The following SPANXN5 variants were observed in gnomAD, a reference collection of about 807,000 sequenced individuals.
SPANXN5 encodes SPANX family member N5.
SPANXN5 carries 5 observed loss-of-function variants against 4.5 expected under a neutral mutation model. The observed-to-expected ratio is 1.11, with a 90% CI of 0.58 to 2.33. The LOEUF is 2.33. Ranked by LOEUF, SPANXN5 falls within the 30% of genes most tolerant of loss-of-function variation. The probability of loss-of-function intolerance (pLI) is 0.01; values close to 1 mark genes in which losing one functional copy is unlikely to be tolerated. For missense variants in SPANXN5, 41 were observed against 50.3 expected, an observed-to-expected ratio of 0.82 and a Z score of 0.56; for synonymous variants, 20 against 20.4, an observed-to-expected ratio of 0.98 and a Z score of 0.05.
At position 52,797,273 on chromosome X, in the gene SPANXN5, C is replaced by T. The variant is rs1569182132; in HGVS notation, c.75+1G>A. ...TTCACTTCAAAACCTAACAATCTTA[C>T]CTCATCATTTTTGCTGTTGGAGTCA... On this transcript the variant is annotated splice_donor_variant, in intron 1 of 1. Coordinates refer to ENST00000375511, the MANE Select transcript of SPANXN5 (RefSeq NM_001009616.4). LOFTEE classifies it high-confidence loss of function. The T allele has an allele frequency of 3.3e-6, 4 of 1,210,390 alleles. No homozygotes were observed. Among genetic ancestry groups the T allele is most frequent in the Non-Finnish European group, 3.4e-6 (3 of 894,505 alleles).
At position 52,797,382 on chromosome X, in the gene SPANXN5, A is replaced by G. The variant is rs782554198; in HGVS notation, c.-34T>C. On this transcript the variant is annotated 5_prime_UTR_variant, in exon 1 of 2. Transcript: ENST00000375511. ...TTGGTTGTTGAATGTCTACAGCAGG[A>G]TCTTGTAGAGTCCAGACTTCCACAG... The G allele has an allele frequency of 8.4e-7, 1 of 1,185,840 alleles. No homozygotes were observed. Among genetic ancestry groups the G allele is most frequent in the South Asian group, 1.8e-5 (1 of 55,935 alleles).
At position 52,797,322 on chromosome X, in the gene SPANXN5, A is replaced by G; in HGVS notation, c.27T>C (p.Asn9=). ...CACAGGGGCTCTTCCTCTTCTCCCC[A>G]TTGGTGCTTGAAGTGGGCTTTTCCA... is the stretch of plus-strand genomic sequence containing the variant. The part of the protein sequence containing the change: MEKPTSST[N]GEKRKSPCDS... The change falls in exon 1 of 2, where the codon AAT becomes AAC. Residue 9 remains asparagine, a synonymous_variant. Coordinates refer to ENST00000375511, the MANE Select transcript of SPANXN5 (RefSeq NM_001009616.4). The G allele has an allele frequency of 1.7e-6, 2 of 1,211,067 alleles. No homozygotes were observed. Among genetic ancestry groups the G allele is most frequent in the South Asian group, 1.8e-5 (1 of 56,939 alleles).
In SPANXN5 at chrX:52,796,227, G is replaced by T; in HGVS notation, c.*261C>A. 1 of 370,730 alleles carries T rather than the reference G, an allele frequency of 2.7e-6. No homozygotes were observed. Among genetic ancestry groups the T allele is most frequent in the Admixed American group, 3.8e-5 (1 of 26,651 alleles). The allele number at this position is 370,730 out of a possible 1,213,427, so 30.6% of individuals were successfully genotyped here. ...AATTTGGTTTCTCCATGTTTAATTA[G>T]TCTTCCTCACCCTCCTCTGACGATC... On this transcript the variant is annotated 3_prime_UTR_variant, in exon 2 of 2. Transcript: ENST00000375511.
intron 1 of SPANXN5, among the ~76,000 whole-genome samples, chrX:52,796,939 C>G (rs782219765): frequency 1.8e-5 from 2 of 111,815 alleles, no homozygotes; most frequent in Admixed American, 9.5e-5. Context: ...GTCCACAAGG[C>G]AGACAAAGGC....
Position 52,796,483 on chromosome X carries a change from T to C in SPANXN5, c.*5A>G, listed in dbSNP as rs782661200. Reference sequence around the variant, plus strand: ...CTCCTCTTGGACTGGATTGATGGAGTTCTCTCAGGACTGGTCATTCTCGAG... The same window carrying C: ...CTCCTCTTGGACTGGATTGATGGAGCTCTCTCAGGACTGGTCATTCTCGAG... On this transcript the variant is annotated 3_prime_UTR_variant, in exon 2 of 2. Transcript: ENST00000375511. 1.7e-6 allele frequency: 2 copies of C among 1,206,460 alleles called. No individual in the cohort carries two copies. The highest frequency in any genetic ancestry group is 2.2e-6 in the Non-Finnish European group (2 of 893,155).
chrX:52,796,948 G>A (rs1306808482), intron 1 of SPANXN5, among the ~76,000 whole-genome samples: 3 of 111,665 alleles, frequency 2.7e-5, no homozygotes, highest in African/African-American at 9.8e-5. Flanking sequence ...GCAGACAAAG[G>A]CCCAACTAAA....
chrX:52,796,755 A>G, intron 1 of SPANXN5, 124 bp from the exon 2 acceptor site: 1 of 971,411 alleles, frequency 1.0e-6, no homozygotes, highest in East Asian at 3.1e-5. Flanking sequence ...TCCAGAGAAG[A>G]ACAAGGTTGA....
chrX:52,797,371 T>C lies in SPANXN5; in HGVS notation c.-23A>G. On this transcript the variant is annotated 5_prime_UTR_variant, in exon 1 of 2. Coordinates refer to ENST00000375511, the MANE Select transcript of SPANXN5 (RefSeq NM_001009616.4). ...CATGATTCTGGTTGGTTGTTGAATG[T>C]CTACAGCAGGATCTTGTAGAGTCCA... 1 of 1,201,685 alleles carries C rather than the reference T, an allele frequency of 8.3e-7. No individual in the cohort carries two copies. Among genetic ancestry groups the C allele is most frequent in the African/African-American group, 1.7e-5 (1 of 57,604 alleles).
At chrX:52,796,727 G>A in intron 1 of SPANXN5, 96 bp from the exon 2 acceptor site, 3 of 1,107,254 alleles carry the variant, frequency 2.7e-6, no homozygotes, top group Non-Finnish European at 2.5e-6. Flanking sequence ...AGGAATGCAG[G>A]TTGAGGAAGG....
chrX:52,797,421 T>G lies in SPANXN5; in HGVS notation c.-73A>C. The stretch of plus-strand genomic sequence containing the variant: ...AGACTTCCACAGCTATATTGAAGCT[T>G]CCCAGTGGCCCAGAGCTCTTGCCCT... On this transcript the variant is annotated 5_prime_UTR_variant, in exon 1 of 2. Transcript: ENST00000375511. 9.3e-7 allele frequency: 1 copy of G among 1,079,293 alleles called. No homozygotes were observed. Among genetic ancestry groups the G allele is most frequent in the Non-Finnish European group, 1.3e-6 (1 of 780,320 alleles). 88.9% of individuals were successfully genotyped at this position (1,079,293 alleles called of 1,213,427 possible).
rs1329818532 is a variant in SPANXN5, at chrX:52,797,213, G to T, written c.75+61C>A. The T allele has an allele frequency of 2.4e-5, 27 of 1,138,451 alleles. No homozygotes were observed. The East Asian group carries it at 6.0e-4, about 25-fold the overall frequency. 93.8% of individuals were successfully genotyped at this position (1,138,451 alleles called of 1,213,427 possible). ...GTATTCCTGTGTTGCTGTTTGAGCT[G>T]CCCCCTCTCTGTGTGTCTTTCTTTC... On this transcript the variant is annotated intron_variant, in intron 1 of 1. Coordinates refer to ENST00000375511, the MANE Select transcript of SPANXN5 (RefSeq NM_001009616.4).
In SPANXN5 at chrX:52,796,412, C is replaced by T. The variant is rs981700706; in HGVS notation, c.*76G>A. 1.7e-6 allele frequency: 2 copies of T among 1,153,602 alleles called. No homozygotes were observed. Among genetic ancestry groups the T allele is most frequent in the African/African-American group, 1.8e-5 (1 of 56,313 alleles). ...TCTTCATCCTGCTTTGAAGATTCTGCAGATGAGTCTAGGTCTTCGTCCTCC... is the reference window on the plus strand; with the variant it reads ...TCTTCATCCTGCTTTGAAGATTCTGTAGATGAGTCTAGGTCTTCGTCCTCC... On this transcript the variant is annotated 3_prime_UTR_variant, in exon 2 of 2. Transcript: ENST00000375511.
chrX:52,797,413 T>C lies in SPANXN5; in HGVS notation c.-65A>G. On this transcript the variant is annotated 5_prime_UTR_variant, in exon 1 of 2. Transcript: ENST00000375511. ...TAGAGTCCAGACTTCCACAGCTATA[T>C]TGAAGCTTCCCAGTGGCCCAGAGCT... is the stretch of plus-strand genomic sequence containing the variant. 1 of 1,123,690 alleles carries C rather than the reference T, an allele frequency of 8.9e-7. No homozygotes were observed. The highest frequency in any genetic ancestry group is 1.8e-5 in the African/African-American group (1 of 55,745). 92.6% of individuals were successfully genotyped at this position (1,123,690 alleles called of 1,213,427 possible). A position where few individuals can be genotyped will look rare whatever the true frequency, so the allele number is the denominator to read the frequency against.
Position 52,796,335 on chromosome X carries a change from A to G in SPANXN5, c.*153T>C. On this transcript the variant is annotated 3_prime_UTR_variant, in exon 2 of 2. Coordinates refer to ENST00000375511, the MANE Select transcript of SPANXN5 (RefSeq NM_001009616.4). The stretch of plus-strand genomic sequence containing the variant: ...CTTCATCCTCTTGTGAAGATCCTTC[A>G]GATAACCCTAGGTCTTCATCCTCCT... 1 of 799,722 alleles carries G rather than the reference A, an allele frequency of 1.3e-6. No homozygotes were observed. Among genetic ancestry groups the G allele is most frequent in the Non-Finnish European group, 1.8e-6 (1 of 549,664 alleles). 65.9% of individuals were successfully genotyped at this position (799,722 alleles called of 1,213,427 possible).
In SPANXN5 at chrX:52,796,461, C is replaced by A; in HGVS notation, c.*27G>T. The A allele has an allele frequency of 1.7e-6, 2 of 1,204,746 alleles. No homozygotes were observed. The highest frequency in any genetic ancestry group is 2.2e-6 in the Non-Finnish European group (2 of 891,504). On this transcript the variant is annotated 3_prime_UTR_variant, in exon 2 of 2. Coordinates refer to ENST00000375511, the MANE Select transcript of SPANXN5 (RefSeq NM_001009616.4). Reference sequence around the variant, plus strand: ...CCTGTGAGGATCCTTCGTCCTCCTCCTCTTGGACTGGATTGATGGAGTTCT... The same window carrying A: ...CCTGTGAGGATCCTTCGTCCTCCTCATCTTGGACTGGATTGATGGAGTTCT...
chrX:52,796,779 G>T (rs1926578813), intron 1 of SPANXN5, 148 bp from the exon 2 acceptor site: 1 of 780,733 alleles, frequency 1.3e-6, no homozygotes, highest in Admixed American at 3.0e-5. Context: ...ACAGGGTAGG[G>T]ATCTATGGGG....
At chrX:52,797,095 G>C (rs1324745205) in intron 1 of SPANXN5, among the ~76,000 whole-genome samples, 179 bp downstream of exon 1, 1 of 111,175 alleles carries the variant, frequency 9.0e-6, no homozygotes, top group Non-Finnish European at 1.9e-5. Context: ...ATGCTGCCCA[G>C]ATCCCTCCCA....
In SPANXN5 at chrX:52,797,261, C is replaced by A; in HGVS notation, c.75+13G>T. On this transcript the variant is annotated intron_variant, in intron 1 of 1. Transcript: ENST00000375511. ...TTCACCCTCGCCTTCACTTCAAAAC[C>A]TAACAATCTTACCTCATCATTTTTG... 6.6e-6 allele frequency: 8 copies of A among 1,209,904 alleles called. No individual in the cohort carries two copies. The highest frequency in any genetic ancestry group is 8.9e-6 in the Non-Finnish European group (8 of 894,001).
chrX:52,796,774 G>A, intron 1 of SPANXN5, 143 bp from the exon 2 acceptor site: 1 of 839,908 alleles, frequency 1.2e-6, no homozygotes, highest in Non-Finnish European at 1.7e-6. Flanking sequence ...GACTCACAGG[G>A]TAGGGATCTA....
Sources: allele counts gnomAD v4.1 joint callset (sites outside exome capture counted in the v4.1 genomes callset), GRCh38; gene constraint gnomAD v4.1.1; transcripts MANE v1.5; gene names NCBI Gene and HGNC (gene_info 2026-07-23, HGNC 2026-07-21).